Variants in FNBP4 observed in about 807,000 individuals in gnomAD.
FNBP4 encodes formin binding protein 4, also known as formin-binding protein 4.
In FNBP4, 34 loss-of-function variants were observed where a neutral mutation model predicts 119.3. The ratio of observed to expected loss-of-function variants is 0.28; its 90% CI spans 0.22 to 0.38. The LOEUF (loss-of-function observed/expected upper bound fraction) is 0.38, where lower values mean the gene tolerates loss of function less well. FNBP4 is among the 10% of genes least tolerant of loss of function. The pLI, the probability that FNBP4 is intolerant of heterozygous loss-of-function variation, is 1.00. For missense variants in FNBP4, 1,112 were observed against 1,228.9 expected, an observed-to-expected ratio of 0.90 and a Z score of 1.42; for synonymous variants, 462 against 430.6, an observed-to-expected ratio of 1.07 and a Z score of -0.90.
At chr11:47,729,659 G>C in intron 12 of FNBP4, 1 of 964,556 alleles carries the variant, frequency 1.0e-6, no homozygotes, top group Non-Finnish European at 1.2e-6. Flanking sequence ...ACAGGCGTGG[G>C]CCACTAACTA....
Position 47,765,386 on chromosome 11 carries a change from A to G in FNBP4, c.221-24T>C, listed in dbSNP as rs1443413038. 3.3e-6 allele frequency: 4 copies of G among 1,217,862 alleles called. No homozygotes were observed. The South Asian group carries it at 5.3e-5, about 16-fold the overall frequency. 75.4% of individuals were successfully genotyped at this position (1,217,862 alleles called of 1,614,324 possible). Reference sequence around the variant, plus strand: ...ATCTGGATTAAAAAAAAAGAAAAGAAAAGAAAAGAAAAGAAAAGAAAAGAA... The same window carrying G: ...ATCTGGATTAAAAAAAAAGAAAAGAGAAGAAAAGAAAAGAAAAGAAAAGAA... On this transcript the variant is annotated intron_variant, in intron 1 of 16. Transcript: ENST00000263773.
intron 8 of FNBP4, among the ~76,000 whole-genome samples, chr11:47,740,772 A>T (rs1273450485): frequency 6.6e-6 from 1 of 151,324 alleles, no homozygotes; most frequent in Admixed American, 6.6e-5. Flanking sequence ...TTGTATTTTT[A>T]GTAGAGACGG....
At chr11:47,758,264 C>T (rs552456518) in intron 2 of FNBP4, among the ~76,000 whole-genome samples, 4 of 152,142 alleles carry the variant, frequency 2.6e-5, no homozygotes, top group South Asian at 2.1e-4. Flanking sequence ...TTGGTAGAGA[C>T]GGGGTTTTGC....
chr11:47,725,718 G>T (rs1462917023), intron 12 of FNBP4: 2 of 876,564 alleles, frequency 2.3e-6, no homozygotes, highest in Non-Finnish European at 2.7e-6. Context: ...AAAGATTAGA[G>T]AAAATAGGAT....
chr11:47,733,492 C>T (rs1162966894), intron 10 of FNBP4, among the ~76,000 whole-genome samples: 6 of 152,046 alleles, frequency 3.9e-5, no homozygotes, highest in Non-Finnish European at 7.4e-5. Context: ...TGTGCCACCA[C>T]GCCCGGCTAA....
At chr11:47,719,129 C>A (rs2097552665) in intron 16 of FNBP4, among the ~76,000 whole-genome samples, 1 of 152,198 alleles carries the variant, frequency 6.6e-6, no homozygotes, top group South Asian at 2.1e-4. Context: ...ACCTCGTGAT[C>A]CACCCGCCTT....
intron 1 of FNBP4, among the ~76,000 whole-genome samples, chr11:47,766,486 CG>C (rs1397216339): frequency 6.6e-5 from 10 of 152,308 alleles, no homozygotes; most frequent in East Asian, 3.9e-4. Context: ...ACATGTGAAA[CG>C]GTCGCGGCTT....
At chr11:47,753,191 T>C in intron 3 of FNBP4, 89 bp from the exon 4 acceptor site, 1 of 1,097,842 alleles carries the variant, frequency 9.1e-7, no homozygotes, top group Non-Finnish European at 1.3e-6. Context: ...AAATTCTACA[T>C]GAGCCGGGCA....
chr11:47,721,057 T>C (rs2097555107), intron 15 of FNBP4, among the ~76,000 whole-genome samples: 1 of 151,982 alleles, frequency 6.6e-6, no homozygotes, highest in South Asian at 2.1e-4. Flanking sequence ...CTGGGCACGA[T>C]GGCTCATGCC....
At chr11:47,734,168 G>GT (rs2097570927) in intron 9 of FNBP4, 39 bp from the exon 10 acceptor site, 2 of 1,186,416 alleles carry the variant, frequency 1.7e-6, no homozygotes, top group South Asian at 2.8e-5. Context: ...ACTAGAATCC[G>GT]TAACATTTTC....
chr11:47,730,757 T>TA (rs1195380893), intron 12 of FNBP4, among the ~76,000 whole-genome samples: 2 of 152,204 alleles, frequency 1.3e-5, no homozygotes, highest in African/African-American at 2.4e-5. Context: ...GCCTATCTTT[T>TA]AAAAAATGTA....
At chr11:47,722,310 G>T (rs936162326) in intron 15 of FNBP4, among the ~76,000 whole-genome samples, 4 of 151,450 alleles carry the variant, frequency 2.6e-5, no homozygotes, top group African/African-American at 7.3e-5. Context: ...ATGCAGTGGT[G>T]CGATCTCAGC....
Position 47,750,956 on chromosome 11 carries a change from C to T in FNBP4, c.866G>A (p.Ser289Asn). 6.2e-7 allele frequency: 1 copy of T among 1,613,986 alleles called. No homozygotes were observed. The highest frequency in any genetic ancestry group is 8.5e-7 in the Non-Finnish European group (1 of 1,179,980). The change falls in exon 6 of 17, where the codon AGT becomes AAT. Residue 289 changes from serine to asparagine, a missense_variant. Transcript: ENST00000263773. The part of the protein sequence containing the change: ...SKEKTISVSS[S>N]KSGPVIAKRE... ...CTTGGCTATGACTGGTCCACTTTTACTACTGGAAACAGAAATCGTTTTCTC... is the reference window on the plus strand; with the variant it reads ...CTTGGCTATGACTGGTCCACTTTTATTACTGGAAACAGAAATCGTTTTCTC...
At position 47,736,719 on chromosome 11, in the gene FNBP4, T is replaced by G. The variant is rs764495127; in HGVS notation, c.1478A>C (p.Glu493Ala). The G allele has an allele frequency of 1.2e-6, 2 of 1,602,302 alleles. No homozygotes were observed. The highest frequency in any genetic ancestry group is 1.1e-5 in the South Asian group (1 of 90,136). The change falls in exon 9 of 17, where the codon GAA (glutamate) becomes GCA (alanine). Residue 493 changes from glutamate to alanine, a missense_variant. By Grantham distance (107) the Glu-to-Ala change is moderately radical. Around this residue, in one of 2 missense-constraint regions of FNBP4, gnomAD observed 826 missense variants for 988.8 expected, o/e 0.84. Transcript: ENST00000263773. ...GETAIGAENS[E>A]KIDENSDKEM... ...TTTATCTGAATTCTCATCTATTTTT[T>G]CTGAATTTTCAGCACCAATTGCTGT...
chr11:47,746,024 A>C, intron 7 of FNBP4, 32 bp downstream of exon 7: 1 of 1,547,952 alleles, frequency 6.5e-7, no homozygotes. Flanking sequence ...ACTGAGGAAA[A>C]AACATTCTAC....
intron 10 of FNBP4, among the ~76,000 whole-genome samples, chr11:47,733,748 A>C (rs2097570274): frequency 6.6e-6 from 1 of 152,148 alleles, no homozygotes; most frequent in Non-Finnish European, 1.5e-5. Flanking sequence ...TTTTCTCTTT[A>C]AACAGACTTA....
chr11:47,739,124 G>A (rs2097578265), intron 8 of FNBP4, among the ~76,000 whole-genome samples: 1 of 151,608 alleles, frequency 6.6e-6, no homozygotes, highest in South Asian at 2.1e-4. Flanking sequence ...TAGAGACAAA[G>A]TCTCACTATG....
At chr11:47,722,868 G>A in intron 15 of FNBP4, 108 bp downstream of exon 15, 1 of 1,290,382 alleles carries the variant, frequency 7.7e-7, no homozygotes, top group Non-Finnish European at 1.0e-6. Flanking sequence ...TGGGATTACA[G>A]GCTTAAGCCA....
In FNBP4 at chr11:47,720,105, G is replaced by C; in HGVS notation, c.2806-19C>G. On this transcript the variant is annotated intron_variant, in intron 15 of 16. Coordinates refer to ENST00000263773, the MANE Select transcript of FNBP4 (RefSeq NM_015308.5). Reference sequence around the variant, plus strand: ...TCTTTGCCTGTAACAAAGGTTAAAGGTCAAAAGGAATAGAAAACATAAAAT... The same window carrying C: ...TCTTTGCCTGTAACAAAGGTTAAAGCTCAAAAGGAATAGAAAACATAAAAT... 1.2e-6 allele frequency: 2 copies of C among 1,603,418 alleles called. No individual in the cohort carries two copies. The highest frequency in any genetic ancestry group is 1.7e-6 in the Non-Finnish European group (2 of 1,174,308).
Sources: allele counts gnomAD v4.1 joint callset (sites outside exome capture counted in the v4.1 genomes callset), GRCh38; gene constraint gnomAD v4.1.1; regional missense constraint gnomAD v4.1.1; transcripts MANE v1.5; gene names NCBI Gene and HGNC (gene_info 2026-07-23, HGNC 2026-07-21).